The following ANK1 variants were observed in gnomAD, a reference collection of about 807,000 sequenced individuals.
ANK1 encodes the protein ankyrin-1.
Under a neutral mutation model 210.4 loss-of-function variants are expected in ANK1, and 51 were observed. That is an observed-to-expected ratio of 0.24 (90% CI 0.19 to 0.31). ANK1 has a LOEUF of 0.31. Among genes scored for constraint, ANK1 ranks in the 10% least tolerant of loss-of-function variants. The pLI is 1.00. For missense variants in ANK1, 2,051 were observed against 2,504.4 expected (o/e 0.82, Z 3.86); for synonymous variants, 967 against 1,025.9 (o/e 0.94, Z 1.10).
chr8:41,659,348 A>G (rs1806988374), intron 42 of ANK1, among the ~76,000 whole-genome samples: 1 of 152,236 alleles, frequency 6.6e-6, no homozygotes, highest in Non-Finnish European at 1.5e-5. Context: ...AGAGTGTGGC[A>G]TTGTTCATCC....
chr8:41,795,017 A>G (rs1472194521), intron 1 of ANK1, among the ~76,000 whole-genome samples: 2 of 152,164 alleles, frequency 1.3e-5, no homozygotes, highest in Non-Finnish European at 2.9e-5. Flanking sequence ...AAGGTTGTTA[A>G]ACAGACCTGG....
chr8:41,838,824 C>T (rs996438912), intron 1 of ANK1, among the ~76,000 whole-genome samples: 3 of 140,176 alleles, frequency 2.1e-5, no homozygotes, highest in Non-Finnish European at 4.6e-5. Context: ...TGCCCATAAT[C>T]CTAACACTTT....
chr8:41,728,068 A>C, intron 3 of ANK1, 62 bp from the exon 4 acceptor site: 1 of 1,545,126 alleles, frequency 6.5e-7, no homozygotes, highest in Non-Finnish European at 8.9e-7. Context: ...CGGGACCAGC[A>C]AAGGTCTGTG....
chr8:41,683,117 C>T (rs369352466), intron 37 of ANK1, among the ~76,000 whole-genome samples: 67 of 145,962 alleles, frequency 4.6e-4, no homozygotes, highest in African/African-American at 1.8e-3. Context: ...CACACACATA[C>T]GCACACACAC....
intron 20 of ANK1, among the ~76,000 whole-genome samples, chr8:41,703,443 TA>T (rs1563491918): frequency 0.026 from 1,836 of 71,084 alleles, 37 homozygotes; most frequent in Non-Finnish European, 0.039. Context: ...TATATATATA[TA>T]TATATATTTT....
intron 1 of ANK1, among the ~76,000 whole-genome samples, chr8:41,864,249 C>CAAA (rs34673931): frequency 6.4e-5 from 5 of 77,860 alleles, no homozygotes; most frequent in Admixed American, 1.4e-4. Flanking sequence ...GACTCTGTCT[C>CAAA]AAAAAAAAAA....
intron 1 of ANK1, among the ~76,000 whole-genome samples, chr8:41,849,511 G>A (rs756052989): frequency 1.0e-5 from 1 of 99,786 alleles, no homozygotes. Flanking sequence ...GAGAGAGAGC[G>A]AGACAATGTC....
At chr8:41,717,383 C>G (rs1827987155) in intron 12 of ANK1, among the ~76,000 whole-genome samples, 1 of 152,250 alleles carries the variant, frequency 6.6e-6, no homozygotes, top group African/African-American at 2.4e-5. Flanking sequence ...ACAGACGTTC[C>G]AAAATTATTG....
chr8:41,767,364 CCCTG>C, intron 1 of ANK1, among the ~76,000 whole-genome samples: 1 of 151,204 alleles, frequency 6.6e-6, no homozygotes, highest in East Asian at 2.0e-4. Flanking sequence ...CCCGGACCTG[CCCTG>C]TCGCGCTGCC....
intron 1 of ANK1, among the ~76,000 whole-genome samples, chr8:41,881,934 C>T (rs772976022): frequency 1.1e-4 from 16 of 152,148 alleles, no homozygotes; most frequent in African/African-American, 2.9e-4. Flanking sequence ...CCACAGGTCA[C>T]GGGGCCTGGC....
chr8:41,875,966 G>A (rs900409609), intron 1 of ANK1, among the ~76,000 whole-genome samples: 13 of 151,908 alleles, frequency 8.6e-5, no homozygotes, highest in Non-Finnish European at 1.3e-4. Flanking sequence ...GCGCACACTC[G>A]CACACCTGCC....
Position 41,691,983 on chromosome 8 carries a change from G to A in ANK1, c.3858+665C>T, listed in dbSNP as rs184777114. ...GTTGGGATTATAGGCGTGAGCCTCT[G>A]AGCCTGGCCAGCACTTTTATTTGTT... On this transcript the variant is annotated intron_variant, in intron 31 of 42. Coordinates refer to ENST00000289734, the MANE Select transcript of ANK1 (RefSeq NM_000037.4). 1.7e-3 allele frequency among the ~76,000 whole-genome samples: 266 copies of A among 152,204 alleles called. 1 individual carries two copies. The highest frequency in any genetic ancestry group is 6.2e-3 in the African/African-American group (256 of 41,532).
chr8:41,750,789 G>A (rs1479430566), intron 2 of ANK1, among the ~76,000 whole-genome samples: 4 of 152,120 alleles, frequency 2.6e-5, no homozygotes, highest in African/African-American at 9.7e-5. Context: ...ACAGTGCCTG[G>A]GCTGCTCTGG....
intron 1 of ANK1, among the ~76,000 whole-genome samples, chr8:41,881,444 T>C (rs1234309713): frequency 6.6e-6 from 1 of 152,230 alleles, no homozygotes; most frequent in African/African-American, 2.4e-5. Flanking sequence ...TATCTGTATC[T>C]ATGGGATTGG....
intron 37 of ANK1, among the ~76,000 whole-genome samples, chr8:41,677,248 T>C (rs1161270068): frequency 6.6e-6 from 1 of 152,190 alleles, no homozygotes; most frequent in Non-Finnish European, 1.5e-5. Flanking sequence ...TTTTTCATAA[T>C]CAGTCTGGCT....
chr8:41,831,644 AAAAAAAAAAAAGAAG>A (rs1176846442), intron 1 of ANK1, among the ~76,000 whole-genome samples: 36 of 127,168 alleles, frequency 2.8e-4, no homozygotes, highest in African/African-American at 9.7e-4. Context: ...TCTGTCAAAA[AAAAAAAAAAAAGAAG>A]AAGAAAAAGA....
chr8:41,771,004 AC>A (rs754291711), intron 1 of ANK1, among the ~76,000 whole-genome samples: 3 of 152,146 alleles, frequency 2.0e-5, no homozygotes, highest in Non-Finnish European at 4.4e-5. Context: ...TGCTTTCCCC[AC>A]CTACTCCTCT....
intron 1 of ANK1, among the ~76,000 whole-genome samples, chr8:41,886,128 C>T (rs1818400429): frequency 6.6e-6 from 1 of 152,226 alleles, no homozygotes; most frequent in African/African-American, 2.4e-5. Context: ...CATCTATTTA[C>T]CCATTCAGGG....
chr8:41,728,083 G>T lies in ANK1; in HGVS notation c.229-77C>A, dbSNP rs1255398856. 4 of 1,473,034 alleles carry T rather than the reference G, an allele frequency of 2.7e-6. No homozygotes were observed. In the African/African-American group the frequency reaches 5.5e-5, roughly 20 times the overall value. The allele number at this position is 1,473,034 out of a possible 1,614,324, so 91.2% of individuals were successfully genotyped here. A position where few individuals can be genotyped will look rare whatever the true frequency, so the allele number is the denominator to read the frequency against. On this transcript the variant is annotated intron_variant, in intron 3 of 42. Transcript: ENST00000289734. ...CGGGACCAGCAAAGGTCTGTGGACA[G>T]GTGCTGCTTGAGGGACCCGGGGGCT... is the stretch of plus-strand genomic sequence containing the variant.
Sources: gnomAD v4.1 joint callset for allele counts (sites outside exome capture counted in the v4.1 genomes callset) on GRCh38, gnomAD v4.1.1 for gene constraint, MANE v1.5 for transcripts, NCBI Gene and HGNC (gene_info 2026-07-23, HGNC 2026-07-21) for gene names.